TBC1D10A: variants seen among roughly 807,000 people sequenced by gnomAD.
TBC1D10A encodes the protein TBC1 domain family member 10A.
In TBC1D10A, 24 loss-of-function variants were observed where a neutral mutation model predicts 52.9. That is an observed-to-expected ratio of 0.45 (90% confidence interval 0.33 to 0.64). The LOEUF (loss-of-function observed/expected upper bound fraction) is 0.64. Among genes scored for constraint, TBC1D10A ranks in the 30% least tolerant of loss-of-function variants. The pLI, the probability that TBC1D10A is intolerant of heterozygous loss-of-function variation, is 0.02. For synonymous variants in TBC1D10A, 278 were observed against 282.9 expected (o/e 0.98, Z 0.17); for missense variants, 602 against 687.9 (o/e 0.88, Z 1.40).
intron 1 of TBC1D10A, chr22:30,318,823 C>T (rs1159335668): frequency 2.2e-5 from 9 of 418,448 alleles, no homozygotes; most frequent in South Asian, 3.5e-5. Flanking sequence ...CTCTTTATGC[C>T]GTCTTCCATG....
chr22:30,308,308 CTGCCTGCATGCCTGCA>C lies in TBC1D10A; in HGVS notation c.210-3694_210-3679del, dbSNP rs1239291146. Among the ~76,000 whole-genome samples the C allele has an allele frequency of 2.3e-3, 187 of 81,722 alleles. 1 individual carries two copies. Among genetic ancestry groups the C allele is most frequent in the Middle Eastern group, 6.9e-3 (1 of 144 alleles). The allele number at this position is 81,722 out of a possible 152,430, so 53.6% of individuals were successfully genotyped here. A position where few individuals can be genotyped will look rare whatever the true frequency, so the allele number is the denominator to read the frequency against. ...CATGCCTGCATGCCTGCATGCCTGC[CTGCCTGCATGCCTGCA>C]TGCCTGCATGCCTGCCTGCCTGCCT... On this transcript the variant is annotated intron_variant, in intron 1 of 8. Coordinates refer to ENST00000215790, the MANE Select transcript of TBC1D10A (RefSeq NM_031937.3).
intron 1 of TBC1D10A, among the ~76,000 whole-genome samples, chr22:30,322,913 G>C (rs9608878): frequency 7.9e-6 from 1 of 126,750 alleles, no homozygotes; most frequent in East Asian, 2.4e-4. Context: ...TTTTTTTTGA[G>C]ACAGGGTCAT....
chr22:30,303,306 T>TAGATAGAC lies in TBC1D10A; in HGVS notation c.309+1224_309+1225insGTCTATCT, dbSNP rs139722034. On this transcript the variant is annotated intron_variant, in intron 2 of 8. Coordinates refer to ENST00000215790, the MANE Select transcript of TBC1D10A (RefSeq NM_031937.3). ...ATAAATAGTTAGATAGATAGATAGA[T>TAGATAGAC]AGACAGACAGACAGACAGACAGACA... Among the ~76,000 whole-genome samples the TAGATAGAC allele has an allele frequency of 5.0e-3, 752 of 149,014 alleles. 3 individuals are homozygous for TAGATAGAC. Among genetic ancestry groups the TAGATAGAC allele is most frequent in the Non-Finnish European group, 6.3e-3 (427 of 67,702 alleles).
intron 1 of TBC1D10A, among the ~76,000 whole-genome samples, chr22:30,305,922 C>T (rs1930301836): frequency 6.6e-6 from 1 of 152,214 alleles, no homozygotes; most frequent in Non-Finnish European, 1.5e-5. Flanking sequence ...CTGCCCCTCT[C>T]ACCACCTAAA....
chr22:30,324,330 T>C (rs1299380543), intron 1 of TBC1D10A, among the ~76,000 whole-genome samples: 1 of 152,198 alleles, frequency 6.6e-6, no homozygotes, highest in East Asian at 1.9e-4. Context: ...CTTGGCTTTT[T>C]TGAAACCACA....
chr22:30,300,909 T>C (rs953406734), intron 2 of TBC1D10A, among the ~76,000 whole-genome samples: 2 of 152,236 alleles, frequency 1.3e-5, no homozygotes, highest in Admixed American at 1.3e-4. Flanking sequence ...AGGCAGCTCA[T>C]GACCCAGAGC....
At chr22:30,302,525 C>T (rs1048534085) in intron 2 of TBC1D10A, among the ~76,000 whole-genome samples, 7 of 152,178 alleles carry the variant, frequency 4.6e-5, no homozygotes, top group African/African-American at 1.2e-4. Flanking sequence ...TCCTGTGCCA[C>T]GACTTCCTGA....
intron 1 of TBC1D10A, among the ~76,000 whole-genome samples, chr22:30,326,217 G>A (rs1361917942): frequency 6.6e-6 from 1 of 151,232 alleles, no homozygotes; most frequent in Non-Finnish European, 1.5e-5. Flanking sequence ...CAGTGAGGCG[G>A]GGAGACAAGG....
At chr22:30,310,650 C>T (rs1316528449) in intron 1 of TBC1D10A, among the ~76,000 whole-genome samples, 1 of 152,108 alleles carries the variant, frequency 6.6e-6, no homozygotes, top group Non-Finnish European at 1.5e-5. Context: ...ATGCGCTGGC[C>T]GTGTACTAGC....
rs374017721 is a variant in TBC1D10A, at chr22:30,292,629, G to A, written c.1273C>T (p.Pro425Ser). The change falls in exon 9 of 9, where the codon CCC becomes TCC. Residue 425 changes from proline to serine, a missense_variant. By Grantham distance (74) the Pro-to-Ser change is moderately conservative. Coordinates refer to ENST00000215790, the MANE Select transcript of TBC1D10A (RefSeq NM_031937.3). ...DAPLPGSKAK[P>S]KPPKQAQKEQ... The stretch of plus-strand genomic sequence containing the variant: ...TTCTGGGCCTGCTTGGGTGGCTTGG[G>A]CTTGGCTTTGGAGCCAGGGAGGGGG... The A allele has an allele frequency of 6.2e-7, 1 of 1,612,996 alleles. No homozygotes were observed. Among genetic ancestry groups the A allele is most frequent in the African/African-American group, 1.3e-5 (1 of 74,862 alleles).
At chr22:30,321,787 A>G (rs936479285) in intron 1 of TBC1D10A, among the ~76,000 whole-genome samples, 1 of 152,152 alleles carries the variant, frequency 6.6e-6, no homozygotes, top group Non-Finnish European at 1.5e-5. Context: ...CACCTCTCTC[A>G]GGTCACCTCC....
Position 30,326,678 on chromosome 22 carries a change from C to T in TBC1D10A, c.204G>A (p.Glu68=). The T allele has an allele frequency of 6.4e-7, 1 of 1,551,888 alleles. No homozygotes were observed. The highest frequency in any genetic ancestry group is 8.7e-7 in the Non-Finnish European group (1 of 1,149,204). The stretch of plus-strand genomic sequence containing the variant: ...CGACCCCCGGCGCTACTCACGCGCC[C>T]TCGGCGCCCTGCGAGCCCACGATGA... ...FGFIVGSQGA[E]GALEEVPLEV... Residue 68 remains glutamate (E), a synonymous_variant, in exon 1 of 9, where the codon GAG becomes GAA. Transcript: ENST00000215790.
chr22:30,294,935 T>A lies in TBC1D10A; in HGVS notation c.639+6A>T. Reference sequence around the variant, plus strand: ...ACCCCCCTGCCTGCCCGGGGCCTGGTGGTACCTCAGCAGGCATATGCATGA... The same window carrying A: ...ACCCCCCTGCCTGCCCGGGGCCTGGAGGTACCTCAGCAGGCATATGCATGA... On this transcript the variant is annotated splice_donor_region_variant and intron_variant, in intron 5 of 8. Transcript: ENST00000215790. 3 of 1,613,904 alleles carry A rather than the reference T, an allele frequency of 1.9e-6. No individual in the cohort carries two copies. Among genetic ancestry groups the A allele is most frequent in the Non-Finnish European group, 2.5e-6 (3 of 1,179,982 alleles).
intron 1 of TBC1D10A, among the ~76,000 whole-genome samples, chr22:30,309,948 A>G (rs1241641824): frequency 6.6e-6 from 1 of 152,142 alleles, no homozygotes; most frequent in East Asian, 1.9e-4. Flanking sequence ...TCTTGATACC[A>G]AGGAACCCGT....
At chr22:30,295,279 G>C (rs1015588716) in intron 4 of TBC1D10A, among the ~76,000 whole-genome samples, 3 of 152,206 alleles carry the variant, frequency 2.0e-5, no homozygotes, top group Non-Finnish European at 2.9e-5. Flanking sequence ...ACAGGGGAGG[G>C]CAGAGGCTCA....
chr22:30,317,068 T>C (rs1930553124), intron 1 of TBC1D10A, among the ~76,000 whole-genome samples: 1 of 152,008 alleles, frequency 6.6e-6, no homozygotes, highest in East Asian at 1.9e-4. Context: ...CACACACACA[T>C]ACAAACTGCG....
Position 30,309,066 on chromosome 22 carries a change from G to C in TBC1D10A, c.210-4436C>G, listed in dbSNP as rs572256199. On this transcript the variant is annotated intron_variant, in intron 1 of 8. Coordinates refer to ENST00000215790, the MANE Select transcript of TBC1D10A (RefSeq NM_031937.3). ...GCCCTTCTCCAGATGCTTCTGTGTG[G>C]CTCCATCTCTGGCGCCCAAGCCACT... 5.9e-5 allele frequency among the ~76,000 whole-genome samples: 9 copies of C among 152,228 alleles called. No individual in the cohort carries two copies. The East Asian group carries it at 1.7e-3, about 29-fold the overall frequency.
At position 30,294,199 on chromosome 22, in the gene TBC1D10A, C is replaced by T. The variant is rs549935665; in HGVS notation, c.706-89G>A. ...ACCCCAGCACCCAGCACCCAGCACC[C>T]AGCAGGCTCAGGCAGCTACCGCCTG... On this transcript the variant is annotated intron_variant, in intron 6 of 8. Transcript: ENST00000215790. 82 of 1,463,742 alleles carry T rather than the reference C, an allele frequency of 5.6e-5. 1 individual carries two copies. In the East Asian group the frequency reaches 1.4e-3, roughly 24 times the overall value. The allele number at this position is 1,463,742 out of a possible 1,614,324, so 90.7% of individuals were successfully genotyped here.
intron 1 of TBC1D10A, among the ~76,000 whole-genome samples, chr22:30,316,616 C>A (rs1930543186): frequency 1.3e-5 from 2 of 152,100 alleles, no homozygotes; most frequent in African/African-American, 4.8e-5. Flanking sequence ...CTATGCCCAG[C>A]TAATTTTTAA....
Sources: gnomAD v4.1 joint callset for allele counts (sites outside exome capture counted in the v4.1 genomes callset) on GRCh38, gnomAD v4.1.1 for gene constraint, MANE v1.5 for transcripts, NCBI Gene and HGNC (gene_info 2026-07-23, HGNC 2026-07-21) for gene names.